The following ACBD5 variants were observed in gnomAD, a reference collection of about 807,000 sequenced individuals.
ACBD5 encodes acyl-CoA binding domain containing 5.
A neutral mutation model predicts 71.8 loss-of-function variants in ACBD5; 40 were observed. The ratio of observed to expected loss-of-function variants is 0.56; its 90% CI spans 0.43 to 0.72. The LOEUF is 0.72. ACBD5 is among the 30% of genes least tolerant of loss of function. ACBD5 has a pLI of 0.00. For missense variants in ACBD5, 559 were observed against 644.5 expected, an observed-to-expected ratio of 0.87 and a Z score of 1.44; for synonymous variants, 229 against 218.6, an observed-to-expected ratio of 1.05 and a Z score of -0.42.
intron 12 of ACBD5, among the ~76,000 whole-genome samples, chr10:27,200,141 G>A (rs1328813462): frequency 1.3e-5 from 2 of 152,152 alleles, no homozygotes; most frequent in Non-Finnish European, 2.9e-5. Flanking sequence ...GCCATTCTAA[G>A]TCACAGGATG....
chr10:27,237,925 T>C (rs1476094934), intron 2 of ACBD5, among the ~76,000 whole-genome samples: 1 of 147,942 alleles, frequency 6.8e-6, no homozygotes, highest in Non-Finnish European at 1.5e-5. Context: ...TGATAGGGTA[T>C]CTTTTTTTTT....
upstream of ACBD5, chr10:27,240,951 C>G: frequency 1.7e-6 from 1 of 594,458 alleles, no homozygotes; most frequent in Non-Finnish European, 3.0e-6. This position sits in a 1 kb window ranked among gnomAD's most constrained non-coding sequence, Gnocchi z 4.1. Flanking sequence ...GAGGAGGGTC[C>G]GGGAAGCGGG....
At chr10:27,193,096 C>T (rs1404412084), downstream of ACBD5, among the ~76,000 whole-genome samples, 2 of 138,608 alleles carry the variant, frequency 1.4e-5, no homozygotes, top group East Asian at 4.6e-4. Context: ...CTCCCTTCCT[C>T]TCTCTCTTTC....
chr10:27,195,921 G>A lies in ACBD5; in HGVS notation c.*1509C>T, dbSNP rs1214359937. 1 of 453,094 alleles carries A rather than the reference G, an allele frequency of 2.2e-6. No homozygotes were observed. Among genetic ancestry groups the A allele is most frequent in the South Asian group, 1.6e-5 (1 of 64,210 alleles). 28.1% of individuals were successfully genotyped at this position (453,094 alleles called of 1,614,324 possible). A position where few individuals can be genotyped will look rare whatever the true frequency, so the allele number is the denominator to read the frequency against. ...GAATGCTTAAAAATTATTTGCTACA[G>A]GCCAGGTGCAGTGGCTCACGCCTCT... is the stretch of plus-strand genomic sequence containing the variant. On this transcript the variant is annotated 3_prime_UTR_variant, in exon 13 of 13. Transcript: ENST00000396271.
rs752026729 is a variant in ACBD5 at position 27,205,282 on chromosome 10, A to T, written c.1405-34T>A. 5.6e-6 allele frequency: 9 copies of T among 1,597,146 alleles called. No homozygotes were observed. In the East Asian group the frequency reaches 6.7e-5, roughly 12 times the overall value. ...GCAAATGAAGGTGACTTAGCCTTGAAAAAATGAAAAACACAGTAATTATTC... is the reference window on the plus strand; with the variant it reads ...GCAAATGAAGGTGACTTAGCCTTGATAAAATGAAAAACACAGTAATTATTC... On this transcript the variant is annotated intron_variant, in intron 10 of 12. Coordinates refer to ENST00000396271, the MANE Select transcript of ACBD5 (RefSeq NM_145698.5).
intron 8 of ACBD5, among the ~76,000 whole-genome samples, chr10:27,215,240 G>A (rs867814019): frequency 6.6e-6 from 1 of 152,016 alleles, no homozygotes; most frequent in African/African-American, 2.4e-5. Context: ...ATTGGGACTA[G>A]CATAAAAAGT....
At position 27,218,167 on chromosome 10, in the gene ACBD5, C is replaced by T. The variant is rs201432326; in HGVS notation, c.642G>A (p.Lys214=). 2 of 1,613,744 alleles carry T rather than the reference C, an allele frequency of 1.2e-6. No individual in the cohort carries two copies. The highest frequency in any genetic ancestry group is 1.3e-5 in the African/African-American group (1 of 75,060). ...EQSDNDKKMM[K]KSADHKNLEV... ...CCAAATTCTTATGGTCTGCTGACTT[C>T]TTCATCATTTTCTTATCTTTTACGA... Residue 214 remains lysine, a synonymous_variant, in exon 7 of 13, where the codon AAG becomes AAA. Coordinates refer to ENST00000396271, the MANE Select transcript of ACBD5 (RefSeq NM_145698.5).
chr10:27,207,173 G>A (rs113798900), intron 10 of ACBD5, among the ~76,000 whole-genome samples: 10,523 of 151,652 alleles, frequency 0.069, 687 homozygotes, highest in African/African-American at 0.17. Flanking sequence ...CTACTCAGGA[G>A]GCTGAGGCAG....
chr10:27,204,789 T>A (rs1331553428), intron 11 of ACBD5, among the ~76,000 whole-genome samples: 1 of 152,148 alleles, frequency 6.6e-6, no homozygotes, highest in Non-Finnish European at 1.5e-5. Context: ...TAGATTTCAT[T>A]TGGAATGATT....
At chr10:27,240,866 G>A, upstream of ACBD5, 3 of 939,208 alleles carry the variant, frequency 3.2e-6, no homozygotes, top group Non-Finnish European at 4.8e-6. This position sits in a 1 kb window ranked among gnomAD's most constrained non-coding sequence, Gnocchi z 4.1. Flanking sequence ...CGCCGCCGCC[G>A]CAGCAGCAGT....
At chr10:27,228,791 T>TTCTATATATATATATATA (rs1306544829) in intron 4 of ACBD5, among the ~76,000 whole-genome samples, 1 of 22,120 alleles carries the variant, frequency 4.5e-5, no homozygotes, top group South Asian at 1.6e-3. Flanking sequence ...CCTATTATGT[T>TTCTATATATATATATATA]TATATATATA....
chr10:27,230,669 C>T (rs1201473374), intron 4 of ACBD5, among the ~76,000 whole-genome samples: 5 of 151,720 alleles, frequency 3.3e-5, no homozygotes, highest in Non-Finnish European at 7.4e-5. Flanking sequence ...TAGTGGTGCG[C>T]GCCTGTAATC....
At chr10:27,193,831 AAGACCC>A (rs1160158325), downstream of ACBD5, among the ~76,000 whole-genome samples, 1 of 152,226 alleles carries the variant, frequency 6.6e-6, no homozygotes, top group African/African-American at 2.4e-5. Context: ...ATCGAAGGAA[AAGACCC>A]AGTTACTTGG....
chr10:27,214,874 C>T (rs1403478476), intron 8 of ACBD5, among the ~76,000 whole-genome samples: 1 of 152,040 alleles, frequency 6.6e-6, no homozygotes, highest in Non-Finnish European at 1.5e-5. Flanking sequence ...ATCAAGAACC[C>T]ATTTTTAGGT....
At chr10:27,241,812 G>A (rs576056014), upstream of ACBD5, among the ~76,000 whole-genome samples, 52 of 152,232 alleles carry the variant, frequency 3.4e-4, no homozygotes, top group Non-Finnish European at 5.3e-4. Context: ...GGGGTGCCCT[G>A]GGCCTTCAAC....
At chr10:27,223,919 AAAAAT>A (rs1444427792) in intron 4 of ACBD5, among the ~76,000 whole-genome samples, 1 of 152,064 alleles carries the variant, frequency 6.6e-6, no homozygotes, top group Non-Finnish European at 1.5e-5. Context: ...CCAAAAATTA[AAAAAT>A]AAAATAAAAG....
chr10:27,240,837 C>A, upstream of ACBD5: 2 of 1,240,236 alleles, frequency 1.6e-6, no homozygotes, highest in Admixed American at 2.1e-5. This position sits in a 1 kb window ranked among gnomAD's most constrained non-coding sequence, Gnocchi z 4.1. Flanking sequence ...CCCAGAGTCA[C>A]CGGAGGACCC....
At chr10:27,200,461 T>G (rs1031865221) in intron 12 of ACBD5, among the ~76,000 whole-genome samples, 6 of 152,070 alleles carry the variant, frequency 3.9e-5, no homozygotes, top group African/African-American at 1.4e-4. Flanking sequence ...CTTTTTTTTT[T>G]TGAGATGGAG....
chr10:27,223,502 T>A (rs891806221), intron 4 of ACBD5, 50 bp from the exon 5 acceptor site: 28 of 1,289,298 alleles, frequency 2.2e-5, no homozygotes, highest in Non-Finnish European at 3.0e-5. Context: ...CTTAATTTGA[T>A]CTCCACTAAT....
Sources: allele counts gnomAD v4.1 joint callset (sites outside exome capture counted in the v4.1 genomes callset), GRCh38; gene constraint gnomAD v4.1.1; non-coding constraint Gnocchi (gnomAD v3.1); transcripts MANE v1.5; gene names NCBI Gene and HGNC (gene_info 2026-07-23, HGNC 2026-07-21).